The following ACSM5 variants were observed in gnomAD, a reference collection of about 807,000 sequenced individuals.
The protein encoded by ACSM5 is acyl-CoA synthetase medium chain family member 5.
Under a neutral mutation model 71.6 loss-of-function variants are expected in ACSM5, and 56 were observed. The ratio of observed to expected loss-of-function variants is 0.78; its 90% confidence interval spans 0.63 to 0.98. ACSM5 has a LOEUF of 0.98. ACSM5 is among the 50% of genes least tolerant of loss of function. ACSM5 has a pLI of 0.00. For missense variants in ACSM5, 723 were observed against 726.0 expected, an observed-to-expected ratio of 1.00 and a Z score of 0.05; for synonymous variants, 285 against 281.5, an observed-to-expected ratio of 1.01 and a Z score of -0.12.
Position 20,439,844 on chromosome 16 carries a change from T to A in ACSM5, c.1581T>A (p.His527Gln), listed in dbSNP as rs536661406. 6.2e-7 allele frequency: 1 copy of A among 1,611,076 alleles called. No homozygotes were observed. The highest frequency in any genetic ancestry group is 2.2e-5 in the East Asian group (1 of 44,888). The part of the protein sequence containing the change: ...FIVLTPAYSS[H>Q]DPEALTRELQ... ...TCCTTACTCCAGCCTACTCCTCTCA[T>A]GACCCAGAGGCACTAACGCGGGAAC... The change falls in exon 13 of 14, where the codon CAT (histidine) becomes CAA (glutamine). Residue 527 changes from histidine to glutamine, a missense_variant. His to Gln is a conservative substitution (Grantham distance 24). Coordinates refer to ENST00000331849, the MANE Select transcript of ACSM5 (RefSeq NM_017888.3).
At chr16:20,430,200 TACAC>T (rs199835504) in intron 8 of ACSM5, among the ~76,000 whole-genome samples, 36,329 of 144,630 alleles carry the variant, frequency 0.25, 4,641 homozygotes, top group East Asian at 0.38. Flanking sequence ...GCTATTGAAA[TACAC>T]ACACACACAC....
chr16:20,431,312 T>C lies in ACSM5; in HGVS notation c.1299T>C (p.Asn433=), dbSNP rs569949016. The part of the protein sequence containing the change: ...IRPTRPFCFF[N]CYLDNPEKTA... ...CCACTCGGCCCTTCTGTTTCTTCAA[T>C]TGCTATTTGGTAAGAGACGGGGAAC... The change falls in exon 10 of 14, where the codon AAT becomes AAC. Residue 433 remains asparagine (N), a synonymous_variant. Transcript: ENST00000331849. 202 of 1,613,872 alleles carry C rather than the reference T, an allele frequency of 1.3e-4. 3 individuals are homozygous for C. In the South Asian group the frequency reaches 2.0e-3, roughly 16 times the overall value.
intron 3 of ACSM5, among the ~76,000 whole-genome samples, chr16:20,418,843 C>T (rs560921599): frequency 5.9e-5 from 9 of 152,088 alleles, no homozygotes; most frequent in Non-Finnish European, 1.3e-4. Context: ...ACAGCATCAT[C>T]CAGCTCCCAA....
Position 20,437,348 on chromosome 16 carries a change from C to T in ACSM5, c.1517C>T (p.Pro506Leu), listed in dbSNP as rs1271553151. 6.2e-7 allele frequency: 1 copy of T among 1,613,358 alleles called. No homozygotes were observed. The highest frequency in any genetic ancestry group is 8.5e-7 in the Non-Finnish European group (1 of 1,179,620). ...CTGGAGTCGGCTGTGGTCAGCAGCC[C>T]AGACCCCATCAGGGGAGAGGTAACC... ...AVLESAVVSS[P>L]DPIRGEVVKA... The change falls in exon 12 of 14, where the codon CCA becomes CTA. Residue 506 changes from proline to leucine, a missense_variant. Physicochemically the swap from Pro to Leu is moderately conservative, Grantham distance 98 (BLOSUM62 -3). Transcript: ENST00000331849.
chr16:20,415,819 A>T (rs1966855263), intron 2 of ACSM5, among the ~76,000 whole-genome samples: 1 of 152,008 alleles, frequency 6.6e-6, no homozygotes, highest in Non-Finnish European at 1.5e-5. Flanking sequence ...GGGATTGGTG[A>T]CTCATTGTTT....
At position 20,440,520 on chromosome 16, in the gene ACSM5, G is replaced by T. The variant is rs572124327; in HGVS notation, c.*93G>T. On this transcript the variant is annotated 3_prime_UTR_variant, in exon 14 of 14. Transcript: ENST00000331849. ...TCCCCATGGGGAGCATCATCTCTTC[G>T]ACCCTAAAGATGTCAAAGGTGTGCA... The T allele has an allele frequency of 7.7e-6, 9 of 1,165,224 alleles. No individual in the cohort carries two copies. The highest frequency in any genetic ancestry group is 1.2e-5 in the Non-Finnish European group (9 of 782,066). The allele number at this position is 1,165,224 out of a possible 1,614,324, so 72.2% of individuals were successfully genotyped here. A position where few individuals can be genotyped will look rare whatever the true frequency, so the allele number is the denominator to read the frequency against.
At chr16:20,436,455 C>T (rs535647092) in intron 10 of ACSM5, among the ~76,000 whole-genome samples, 3 of 152,296 alleles carry the variant, frequency 2.0e-5, no homozygotes, top group South Asian at 2.1e-4. Context: ...ACTGCAACCT[C>T]TGCCTCCCAG....
chr16:20,414,180 C>G (rs1262982441), intron 2 of ACSM5, among the ~76,000 whole-genome samples: 1 of 152,018 alleles, frequency 6.6e-6, no homozygotes, highest in Admixed American at 6.6e-5. Context: ...AATAATGCAC[C>G]CCTTCCCCAA....
chr16:20,440,611 C>G lies in ACSM5; in HGVS notation c.*184C>G. The stretch of plus-strand genomic sequence containing the variant: ...AAAGAGCAAAAGAATATCATTGGCC[C>G]TGATCACATAGATGCTGCGCCGCCT... On this transcript the variant is annotated 3_prime_UTR_variant, in exon 14 of 14. Transcript: ENST00000331849. The G allele has an allele frequency of 1.7e-6, 1 of 588,042 alleles. No individual in the cohort carries two copies. Among genetic ancestry groups the G allele is most frequent in the South Asian group, 2.1e-5 (1 of 47,784 alleles). The allele number at this position is 588,042 out of a possible 1,614,324, so 36.4% of individuals were successfully genotyped here.
intron 1 of ACSM5, among the ~76,000 whole-genome samples, chr16:20,410,969 A>G (rs1320329111): frequency 2.0e-5 from 3 of 152,208 alleles, no homozygotes; most frequent in Non-Finnish European, 4.4e-5. Flanking sequence ...TTATTCTTCT[A>G]TTGACTAGGA....
intron 12 of ACSM5, among the ~76,000 whole-genome samples, chr16:20,438,660 G>C (rs1596626936): frequency 6.6e-6 from 1 of 151,614 alleles, no homozygotes; most frequent in African/African-American, 2.4e-5. Flanking sequence ...TGTGTAGAAA[G>C]TGCCCAACAC....
rs773436882 is a variant in ACSM5, at chr16:20,419,382, G to T, written c.570G>T (p.Leu190=). Residue 190 remains leucine, a synonymous_variant, in exon 4 of 14, where the codon CTG becomes CTT. Transcript: ENST00000331849. ...AATGCCCCTCCCTCCAGACCAAGCTGCTGGTGTCAGACAGCAGTCGGCCAG... is the reference window on the plus strand; with the variant it reads ...AATGCCCCTCCCTCCAGACCAAGCTTCTGGTGTCAGACAGCAGTCGGCCAG... The part of the protein sequence containing the change: ...SAECPSLQTK[L]LVSDSSRPGW... 1.4e-5 allele frequency: 23 copies of T among 1,614,212 alleles called. No homozygotes were observed. The highest frequency in any genetic ancestry group is 1.8e-5 in the Non-Finnish European group (21 of 1,180,030).
intron 5 of ACSM5, among the ~76,000 whole-genome samples, chr16:20,423,481 T>C (rs897013603): frequency 3.3e-5 from 5 of 152,244 alleles, no homozygotes; most frequent in African/African-American, 4.8e-5. Flanking sequence ...CTATTCTCTA[T>C]AATTGCACAA....
chr16:20,438,827 C>T (rs1216123450), intron 12 of ACSM5, among the ~76,000 whole-genome samples: 3 of 150,920 alleles, frequency 2.0e-5, no homozygotes, highest in South Asian at 2.1e-4. Flanking sequence ...TGGCGGTGGG[C>T]GCCTATAATC....
At chr16:20,433,840 ATTT>A (rs61417020) in intron 10 of ACSM5, among the ~76,000 whole-genome samples, 41 of 137,202 alleles carry the variant, frequency 3.0e-4, no homozygotes, top group East Asian at 6.5e-4. Flanking sequence ...CACCTGGCTA[ATTT>A]TTTTTTTTTT....
intron 6 of ACSM5, among the ~76,000 whole-genome samples, chr16:20,427,546 T>C (rs1319965707): frequency 1.3e-5 from 2 of 152,238 alleles, no homozygotes; most frequent in Admixed American, 6.5e-5. Context: ...GTGGTATTCA[T>C]CACCTTGGCA....
At position 20,418,145 on chromosome 16, in the gene ACSM5, G is replaced by T. The variant is rs1421081138; in HGVS notation, c.291G>T (p.Lys97Asn). 6.2e-7 allele frequency: 1 copy of T among 1,613,616 alleles called. No homozygotes were observed. The highest frequency in any genetic ancestry group is 1.3e-5 in the African/African-American group (1 of 74,908). Residue 97 changes from lysine (K) to asparagine (N), a missense_variant, in exon 3 of 14, where the codon AAG becomes AAT. Physicochemically the swap from Lys to Asn is moderately conservative, Grantham distance 94. Transcript: ENST00000331849. The part of the protein sequence containing the change: ...EIKWSFEELG[K>N]QSRKAANVLG... ...AGTGGAGCTTTGAGGAGCTGGGGAAGCAGTCCAGGAAGGCAGCCAATGTGC... is the reference window on the plus strand; with the variant it reads ...AGTGGAGCTTTGAGGAGCTGGGGAATCAGTCCAGGAAGGCAGCCAATGTGC...
chr16:20,432,455 A>G (rs1308046895), intron 10 of ACSM5, among the ~76,000 whole-genome samples: 1 of 152,216 alleles, frequency 6.6e-6, no homozygotes, highest in Non-Finnish European at 1.5e-5. Context: ...CAAGAGAAAT[A>G]ATCTTCTACT....
intron 2 of ACSM5, 63 bp downstream of exon 2, chr16:20,411,751 T>C (rs1966848257): frequency 2.0e-6 from 3 of 1,537,476 alleles, no homozygotes; most frequent in East Asian, 4.5e-5. Context: ...TGTACCACAA[T>C]GAGACTCAAG....
Sources: gnomAD v4.1 joint callset for allele counts (sites outside exome capture counted in the v4.1 genomes callset) on GRCh38, gnomAD v4.1.1 for gene constraint, MANE v1.5 for transcripts, NCBI Gene and HGNC (gene_info 2026-07-23, HGNC 2026-07-21) for gene names.